Variants in SASH1 observed in about 807,000 individuals in gnomAD.
SASH1 encodes SAM and SH3 domain-containing protein 1.
In SASH1, 44 loss-of-function variants were observed where a neutral mutation model predicts 125.2. The observed-to-expected ratio is 0.35, with a 90% CI of 0.28 to 0.45. SASH1 has a LOEUF of 0.45. Ranked by LOEUF, SASH1 falls within the 20% of genes least tolerant of loss-of-function variation. The probability of loss-of-function intolerance (pLI) is 1.00; values close to 1 mark genes in which losing one functional copy is unlikely to be tolerated. For synonymous variants in SASH1, 639 were observed against 649.1 expected (o/e 0.98, Z 0.24); for missense variants, 1,426 against 1,614.5 (o/e 0.88, Z 2.00).
rs371852112 is a variant in SASH1 at position 148,366,458 on chromosome 6, G to A, written c.156+23235G>A. ...AAGAACTTCATTTAAAGTCTTGTCC[G>A]GACTTGGTGGGGCGATGGTGCATTT... is the stretch of plus-strand genomic sequence containing the variant. On this transcript the variant is annotated intron_variant, in intron 1 of 19. Transcript: ENST00000367467. Among the ~76,000 whole-genome samples, 46 of 152,298 alleles carry A rather than the reference G, an allele frequency of 3.0e-4. No homozygotes were observed. The South Asian group carries it at 6.9e-3, about 23-fold the overall frequency.
At chr6:148,421,040 C>T (rs189483223) in intron 2 of SASH1, among the ~76,000 whole-genome samples, 158 of 151,302 alleles carry the variant, frequency 1.0e-3, no homozygotes, top group Non-Finnish European at 1.9e-3. Context: ...GCCGAGATTC[C>T]GCCACTGCAC....
At chr6:148,401,409 A>C (rs1312384951) in intron 2 of SASH1, among the ~76,000 whole-genome samples, 2 of 152,044 alleles carry the variant, frequency 1.3e-5, no homozygotes, top group Non-Finnish European at 2.9e-5. Flanking sequence ...TTAGTGTTTC[A>C]CTGCACTTCT....
the SASH1 span, among the ~76,000 whole-genome samples, chr6:148,200,331 A>T: frequency 6.6e-6 from 1 of 152,212 alleles, no homozygotes; most frequent in Non-Finnish European, 1.5e-5. Flanking sequence ...TGTCTTGAAT[A>T]TGTTAAAATG....
chr6:148,393,286 C>T (rs1428123430), intron 2 of SASH1, among the ~76,000 whole-genome samples: 1 of 150,356 alleles, frequency 6.7e-6, no homozygotes, highest in Non-Finnish European at 1.5e-5. Context: ...TCTCAAACTC[C>T]TGACCTCAGG....
intron 1 of SASH1, among the ~76,000 whole-genome samples, chr6:148,353,583 C>T (rs1190177459): frequency 6.6e-6 from 1 of 151,760 alleles, no homozygotes; most frequent in Non-Finnish European, 1.5e-5. Flanking sequence ...TACAGGCATG[C>T]ACCACCACAC....
the SASH1 span, among the ~76,000 whole-genome samples, chr6:148,221,850 C>A: frequency 6.6e-6 from 1 of 152,198 alleles, no homozygotes; most frequent in Non-Finnish European, 1.5e-5. Context: ...GAGTCTTTCT[C>A]CCATTCTGCA....
intron 4 of SASH1, among the ~76,000 whole-genome samples, chr6:148,448,466 C>T (rs903390976): frequency 3.3e-5 from 5 of 152,166 alleles, no homozygotes; most frequent in Non-Finnish European, 5.9e-5. Context: ...CCTCTCCCCA[C>T]GTGAGTCCCT....
intron 1 of SASH1, among the ~76,000 whole-genome samples, chr6:148,322,332 A>G (rs1051347085): frequency 6.6e-6 from 1 of 152,192 alleles, no homozygotes; most frequent in African/African-American, 2.4e-5. Flanking sequence ...AGCCTGGGCA[A>G]TAGAGCAAGA....
intron 4 of SASH1, among the ~76,000 whole-genome samples, chr6:148,464,117 A>C (rs1016379673): frequency 6.6e-6 from 1 of 152,102 alleles, no homozygotes; most frequent in African/African-American, 2.4e-5. Flanking sequence ...AATTATTTTT[A>C]TTTTTCAATG....
chr6:148,468,821 C>A, intron 5 of SASH1: 1 of 393,276 alleles, frequency 2.5e-6, no homozygotes, highest in Non-Finnish European at 4.5e-6. Flanking sequence ...GAGCATTTTC[C>A]CATGACTGAA....
the SASH1 span, among the ~76,000 whole-genome samples, chr6:148,202,969 A>G: frequency 1.4e-5 from 2 of 143,860 alleles, no homozygotes; most frequent in African/African-American, 5.4e-5. Flanking sequence ...AAACAAAAAC[A>G]AAAAACAGAA....
intron 1 of SASH1, among the ~76,000 whole-genome samples, chr6:148,326,091 GATCTCCACTCACTGCA>G (rs1323923792): frequency 6.7e-6 from 1 of 148,662 alleles, no homozygotes; most frequent in African/African-American, 2.5e-5. Flanking sequence ...GTAATGGCAC[GATCTCCACTCACTGCA>G]ATCTCCACCT....
intron 4 of SASH1, among the ~76,000 whole-genome samples, chr6:148,446,723 C>A (rs1776812890): frequency 6.6e-6 from 1 of 152,104 alleles, no homozygotes; most frequent in Non-Finnish European, 1.5e-5. Context: ...TATTATGTGC[C>A]AGGAACTGAG....
At chr6:148,500,693 C>G (rs1376001355) in intron 8 of SASH1, among the ~76,000 whole-genome samples, 9 of 152,136 alleles carry the variant, frequency 5.9e-5, no homozygotes, top group African/African-American at 1.9e-4. Flanking sequence ...TTGTTTCTTA[C>G]CTTAGTCATG....
At chr6:148,414,343 A>G (rs990742933) in intron 2 of SASH1, among the ~76,000 whole-genome samples, 19 of 151,982 alleles carry the variant, frequency 1.3e-4, no homozygotes, top group African/African-American at 4.3e-4. Flanking sequence ...GCAGTCAAGC[A>G]GAATGGTTCA....
At chr6:148,304,477 G>C (rs1199358448) in intron 1 of SASH1, among the ~76,000 whole-genome samples, 5 of 149,932 alleles carry the variant, frequency 3.3e-5, no homozygotes, top group Middle Eastern at 3.4e-3. Flanking sequence ...CGGGCATGGT[G>C]GTGGGCGCCT....
At chr6:148,514,126 G>C in intron 8 of SASH1, 198 bp from the exon 9 acceptor site, 1 of 1,347,570 alleles carries the variant, frequency 7.4e-7, no homozygotes, top group African/African-American at 1.5e-5. Flanking sequence ...CCGTGCCTAG[G>C]ACCTAATTCT....
chr6:148,200,015 T>G, the SASH1 span, among the ~76,000 whole-genome samples: 2 of 152,188 alleles, frequency 1.3e-5, no homozygotes, highest in Admixed American at 6.5e-5. Context: ...ATTTCTCATC[T>G]GCGACCCTTG....
chr6:148,284,153 A>T (rs1336997234), intron 1 of SASH1, among the ~76,000 whole-genome samples: 1 of 152,172 alleles, frequency 6.6e-6, no homozygotes, highest in Non-Finnish European at 1.5e-5. Context: ...TGAAAATAAT[A>T]CATGGCCAAG....
Sources: allele counts gnomAD v4.1 joint callset (sites outside exome capture counted in the v4.1 genomes callset), GRCh38; gene constraint gnomAD v4.1.1; transcripts MANE v1.5; gene names NCBI Gene and HGNC (gene_info 2026-07-23, HGNC 2026-07-21).